Variants in LYRM4 observed in about 807,000 individuals in gnomAD.
LYRM4 encodes the protein LYR motif-containing protein 4.
Under a neutral mutation model 11.7 loss-of-function variants are expected in LYRM4, and 9 were observed. That is an observed-to-expected ratio of 0.77 (90% CI 0.46 to 1.34). The LOEUF is 1.34. LYRM4 is among the 40% of genes most tolerant of loss of function. The probability of loss-of-function intolerance (pLI) is 0.00; values close to 1 mark genes in which losing one functional copy is unlikely to be tolerated. For synonymous variants in LYRM4, 42 were observed against 40.4 expected, an observed-to-expected ratio of 1.04 and a Z score of -0.15; for missense variants, 133 against 112.5, an observed-to-expected ratio of 1.18 and a Z score of -0.82.
chr6:5,073,956 G>A, the LYRM4 span, among the ~76,000 whole-genome samples: 1 of 152,076 alleles, frequency 6.6e-6, no homozygotes, highest in Non-Finnish European at 1.5e-5. Context: ...GGAGCACAGG[G>A]GGCCACAGAA....
intron 2 of LYRM4, among the ~76,000 whole-genome samples, chr6:5,168,403 G>C (rs1411673091): frequency 6.6e-6 from 1 of 152,220 alleles, no homozygotes; most frequent in Non-Finnish European, 1.5e-5. Context: ...CGTGCCTGCA[G>C]ATGTGACAGA....
chr6:5,184,098 A>G (rs1007763405), intron 2 of LYRM4, among the ~76,000 whole-genome samples: 1 of 152,196 alleles, frequency 6.6e-6, no homozygotes, highest in Non-Finnish European at 1.5e-5. Flanking sequence ...CTTGTGTATC[A>G]AAGCTTTTAT....
At chr6:5,192,625 A>G (rs1417496648) in intron 2 of LYRM4, among the ~76,000 whole-genome samples, 2 of 152,182 alleles carry the variant, frequency 1.3e-5, no homozygotes, top group Non-Finnish European at 2.9e-5. Context: ...CTGCACCTCT[A>G]TGGGGCTGTT....
In LYRM4 at chr6:5,216,666, T is replaced by G; in HGVS notation, c.159A>C (p.Gln53His). ...CTCTCTTGGCTTTATTCACTAGGGTTTGAATTTCTACAGGATCCTTTACAT... is the reference window on the plus strand; with the variant it reads ...CTCTCTTGGCTTTATTCACTAGGGTGTGAATTTCTACAGGATCCTTTACAT... Reference protein sequence around the residue: ...NKNVKDPVEIQTLVNKAKRDL... With the variant: ...NKNVKDPVEIHTLVNKAKRDL... The change falls in exon 2 of 3, where the codon CAA (glutamine) becomes CAC (histidine). Residue 53 changes from glutamine to histidine, a missense_variant. Coordinates refer to ENST00000330636, the MANE Select transcript of LYRM4 (RefSeq NM_020408.6). 6.2e-7 allele frequency: 1 copy of G among 1,614,100 alleles called. No homozygotes were observed. The highest frequency in any genetic ancestry group is 8.5e-7 in the Non-Finnish European group (1 of 1,180,002).
At chr6:5,193,752 A>C (rs1179584058) in intron 2 of LYRM4, among the ~76,000 whole-genome samples, 2 of 152,202 alleles carry the variant, frequency 1.3e-5, no homozygotes, top group Non-Finnish European at 2.9e-5. Context: ...GAAACTGAGA[A>C]TCCATCAGTA....
chr6:5,260,629 C>T lies in LYRM4; in HGVS notation c.86+19G>A. On this transcript the variant is annotated intron_variant, in intron 1 of 2. Transcript: ENST00000330636. The stretch of plus-strand genomic sequence containing the variant: ...GCCCCTGGCCCCCCGCCCCCGGCCC[C>T]CGGTGCCCGCTGGGTCACCTGTAAT... 6.5e-7 allele frequency: 1 copy of T among 1,532,670 alleles called. No homozygotes were observed. The highest frequency in any genetic ancestry group is 8.7e-7 in the Non-Finnish European group (1 of 1,144,812). 94.9% of individuals were successfully genotyped at this position (1,532,670 alleles called of 1,614,324 possible).
At chr6:5,172,765 A>G (rs1472376538) in intron 2 of LYRM4, among the ~76,000 whole-genome samples, 1 of 152,212 alleles carries the variant, frequency 6.6e-6, no homozygotes, top group Non-Finnish European at 1.5e-5. Flanking sequence ...AAGGCACTTG[A>G]GAGACTAAAA....
chr6:5,233,703 T>C (rs1393909683), intron 1 of LYRM4, among the ~76,000 whole-genome samples: 2 of 152,226 alleles, frequency 1.3e-5, no homozygotes, highest in Non-Finnish European at 2.9e-5. Flanking sequence ...CTCCAACTCC[T>C]GGGTGCAACT....
intron 2 of LYRM4, among the ~76,000 whole-genome samples, chr6:5,145,519 C>T (rs1436816175): frequency 6.6e-6 from 1 of 152,110 alleles, no homozygotes; most frequent in Non-Finnish European, 1.5e-5. Context: ...GGCGAGGCTG[C>T]GGAATTTCTC....
At chr6:5,117,470 G>A (rs760179197) in intron 2 of LYRM4, among the ~76,000 whole-genome samples, 1 of 151,708 alleles carries the variant, frequency 6.6e-6, no homozygotes, top group Non-Finnish European at 1.5e-5. Context: ...CAGGAGAATC[G>A]CTTGAACCTG....
At chr6:5,203,499 C>G (rs887877205) in intron 2 of LYRM4, among the ~76,000 whole-genome samples, 1 of 152,166 alleles carries the variant, frequency 6.6e-6, no homozygotes, top group East Asian at 1.9e-4. Context: ...TTTCCTGAAG[C>G]CTTTATTTCA....
At chr6:5,238,091 C>T (rs1358638975) in intron 1 of LYRM4, among the ~76,000 whole-genome samples, 1 of 152,112 alleles carries the variant, frequency 6.6e-6, no homozygotes, top group Non-Finnish European at 1.5e-5. Context: ...GAAACCTCAT[C>T]CCAGGACTTA....
chr6:5,242,815 G>A (rs1205181860), intron 1 of LYRM4, among the ~76,000 whole-genome samples: 4 of 147,222 alleles, frequency 2.7e-5, no homozygotes, highest in Admixed American at 1.4e-4. Context: ...CGCCCAGGCC[G>A]GACTGCGGAC....
chr6:5,246,162 A>C (rs1764187608), intron 1 of LYRM4, among the ~76,000 whole-genome samples: 1 of 152,242 alleles, frequency 6.6e-6, no homozygotes, highest in Admixed American at 6.5e-5. Context: ...AGTGTGTTCC[A>C]AACATAGGAA....
In LYRM4 at chr6:5,257,504, T is replaced by C. The variant is rs1402703702; in HGVS notation, c.86+3144A>G. 2.6e-5 allele frequency among the ~76,000 whole-genome samples: 4 copies of C among 152,192 alleles called. No individual in the cohort carries two copies. The East Asian group carries it at 7.7e-4, about 29-fold the overall frequency. The stretch of plus-strand genomic sequence containing the variant: ...TTAGTTCAAAAATCTCATCTTTCTC[T>C]CTCCAGGGCTTGGTATAGCAGGGGT... On this transcript the variant is annotated intron_variant, in intron 1 of 2. Coordinates refer to ENST00000330636, the MANE Select transcript of LYRM4 (RefSeq NM_020408.6).
intron 2 of LYRM4, among the ~76,000 whole-genome samples, chr6:5,140,615 G>C (rs903282962): frequency 6.6e-6 from 1 of 152,168 alleles, no homozygotes; most frequent in Non-Finnish European, 1.5e-5. Flanking sequence ...TCTGGAACCT[G>C]GAGTTGGGCT....
chr6:5,201,781 A>G (rs1404641281), intron 2 of LYRM4, among the ~76,000 whole-genome samples: 1 of 152,226 alleles, frequency 6.6e-6, no homozygotes, highest in African/African-American at 2.4e-5. Flanking sequence ...ACGAAAGTAT[A>G]TCTACCTAAA....
chr6:5,221,147 C>T (rs1762554595), intron 1 of LYRM4, among the ~76,000 whole-genome samples: 1 of 152,094 alleles, frequency 6.6e-6, no homozygotes, highest in African/African-American at 2.4e-5. Flanking sequence ...TTCCCAAGCT[C>T]CTTTGTGGGC....
the LYRM4 span, among the ~76,000 whole-genome samples, chr6:5,065,136 C>A: frequency 6.6e-6 from 1 of 152,268 alleles, no homozygotes; most frequent in East Asian, 1.9e-4. Flanking sequence ...CCTTTCCAGG[C>A]TTCTTTCACT....
Sources: gnomAD v4.1 joint callset for allele counts (sites outside exome capture counted in the v4.1 genomes callset) on GRCh38, gnomAD v4.1.1 for gene constraint, MANE v1.5 for transcripts, NCBI Gene and HGNC (gene_info 2026-07-23, HGNC 2026-07-21) for gene names.